The following PRKAR2A variants were observed in gnomAD, a reference collection of about 807,000 sequenced individuals.
PRKAR2A encodes the protein cAMP-dependent protein kinase type II-alpha regulatory subunit.
A neutral mutation model predicts 51.9 loss-of-function variants in PRKAR2A; 29 were observed. That is an observed-to-expected ratio of 0.56 (90% CI 0.42 to 0.76). The LOEUF (loss-of-function observed/expected upper bound fraction) is 0.76. Ranked by LOEUF, PRKAR2A falls within the 30% of genes least tolerant of loss-of-function variation. PRKAR2A has a pLI of 0.00. For missense variants in PRKAR2A, 445 were observed against 512.1 expected (o/e 0.87, Z 1.26); for synonymous variants, 178 against 186.2 (o/e 0.96, Z 0.36).
intron 1 of PRKAR2A, among the ~76,000 whole-genome samples, chr3:48,828,724 A>G (rs2107429676): frequency 6.6e-6 from 1 of 151,386 alleles, no homozygotes; most frequent in South Asian, 2.1e-4. Context: ...AAAAAAAAAA[A>G]AAAAAGAAAG....
intron 6 of PRKAR2A, among the ~76,000 whole-genome samples, chr3:48,767,343 G>A (rs2081955968): frequency 6.6e-6 from 1 of 151,954 alleles, no homozygotes; most frequent in Non-Finnish European, 1.5e-5. Flanking sequence ...GCCAGGCATG[G>A]TGGTGGGCGC....
At chr3:48,761,151 G>A (rs537929996) in intron 8 of PRKAR2A, among the ~76,000 whole-genome samples, 2 of 152,038 alleles carry the variant, frequency 1.3e-5, no homozygotes, top group East Asian at 1.9e-4. Context: ...ACGTGGTGGC[G>A]GGCGCCTGTA....
chr3:48,796,939 C>A (rs1369189148), intron 2 of PRKAR2A, among the ~76,000 whole-genome samples: 2 of 151,922 alleles, frequency 1.3e-5, no homozygotes, highest in Non-Finnish European at 2.9e-5. Flanking sequence ...GTTTACTGAG[C>A]ATTTTGTAGT....
chr3:48,796,029 A>AT (rs911703776), intron 2 of PRKAR2A, among the ~76,000 whole-genome samples: 1 of 152,234 alleles, frequency 6.6e-6, no homozygotes, highest in African/African-American at 2.4e-5. Flanking sequence ...TATCTACTGA[A>AT]TAAAGAGTTT....
At position 48,847,271 on chromosome 3, in the gene PRKAR2A, T is replaced by C. The variant is rs1443512499; in HGVS notation, c.262+64A>G. ...GGCTGCGGCGCGACACCTGGCTCCC[T>C]GCCACCCCTCTAGACCTCTGGAGAC... On this transcript the variant is annotated intron_variant, in intron 1 of 10. Transcript: ENST00000265563. The surrounding 1 kb of genome is among the most constrained non-coding windows in gnomAD (Gnocchi z 4.4). 14 of 1,553,174 alleles carry C rather than the reference T, an allele frequency of 9.0e-6. No homozygotes were observed. Among genetic ancestry groups the C allele is most frequent in the Middle Eastern group, 1.7e-4 (1 of 5,806 alleles).
downstream of PRKAR2A, among the ~76,000 whole-genome samples, chr3:48,745,603 A>G (rs2081555655): frequency 1.4e-5 from 2 of 140,246 alleles, no homozygotes; most frequent in Non-Finnish European, 3.0e-5. Flanking sequence ...GAATGATGCA[A>G]TCTCGGCTCA....
At chr3:48,835,256 C>T (rs1247576702) in intron 1 of PRKAR2A, among the ~76,000 whole-genome samples, 1 of 151,666 alleles carries the variant, frequency 6.6e-6, no homozygotes, top group East Asian at 2.0e-4. Context: ...CAGGCGTGAG[C>T]CACTATGCTT....
chr3:48,778,813 C>T (rs1001027503), intron 5 of PRKAR2A, among the ~76,000 whole-genome samples: 2 of 144,706 alleles, frequency 1.4e-5, no homozygotes, highest in Non-Finnish European at 3.0e-5. Context: ...CCACGGTGCT[C>T]GGCCTGCATT....
At chr3:48,745,311 A>T (rs576901746), downstream of PRKAR2A, among the ~76,000 whole-genome samples, 71 of 152,078 alleles carry the variant, frequency 4.7e-4, no homozygotes, top group African/African-American at 1.5e-3. Flanking sequence ...CCTGGATTAC[A>T]GGTGTGAGCC....
intron 4 of PRKAR2A, among the ~76,000 whole-genome samples, chr3:48,784,217 T>G (rs1184056662): frequency 2.0e-5 from 3 of 152,100 alleles, no homozygotes; most frequent in Non-Finnish European, 4.4e-5. Flanking sequence ...GAATACCAGG[T>G]TCAATTAAAA....
intron 3 of PRKAR2A, among the ~76,000 whole-genome samples, chr3:48,792,522 C>T (rs1438902215): frequency 7.9e-6 from 1 of 125,982 alleles, no homozygotes; most frequent in African/African-American, 3.1e-5. Flanking sequence ...AGTGCAGTGG[C>T]GTGATCTCAG....
chr3:48,837,145 A>T (rs946363114), intron 1 of PRKAR2A, among the ~76,000 whole-genome samples: 2 of 152,014 alleles, frequency 1.3e-5, no homozygotes, highest in Admixed American at 6.6e-5. Context: ...TAATAAAAAT[A>T]AAAATTAGCC....
At chr3:48,773,606 G>C (rs2082062579) in intron 5 of PRKAR2A, among the ~76,000 whole-genome samples, 1 of 151,926 alleles carries the variant, frequency 6.6e-6, no homozygotes, top group Non-Finnish European at 1.5e-5. Flanking sequence ...CTAAAGTGCT[G>C]GGATTACAGG....
chr3:48,783,652 C>G lies in PRKAR2A; in HGVS notation c.436-560G>C, dbSNP rs186088442. Among the ~76,000 whole-genome samples the G allele has an allele frequency of 2.2e-3, 329 of 152,292 alleles. 2 individuals carry two copies. Among genetic ancestry groups the G allele is most frequent in the Admixed American group, 9.8e-3 (150 of 15,280 alleles). On this transcript the variant is annotated intron_variant, in intron 4 of 10. Coordinates refer to ENST00000265563, the MANE Select transcript of PRKAR2A (RefSeq NM_004157.4). ...CTGGAGTGCAGTGGTGTGATCTCAG[C>G]TCACCACAACCTCTACCTCCCGAGT...
At chr3:48,753,986 C>T (rs923802315) in intron 9 of PRKAR2A, among the ~76,000 whole-genome samples, 9 of 150,952 alleles carry the variant, frequency 6.0e-5, no homozygotes, top group African/African-American at 2.2e-4. Flanking sequence ...CAAGCTCTGC[C>T]TCCTGGGCTC....
At chr3:48,802,832 T>C (rs766777369) in intron 2 of PRKAR2A, among the ~76,000 whole-genome samples, 15 of 152,308 alleles carry the variant, frequency 9.8e-5, no homozygotes, top group Non-Finnish European at 1.6e-4. Flanking sequence ...TTTTAAGAAA[T>C]AGAGCCAACG....
intron 6 of PRKAR2A, among the ~76,000 whole-genome samples, chr3:48,772,014 C>T (rs2082036667): frequency 6.6e-6 from 1 of 152,160 alleles, no homozygotes; most frequent in Non-Finnish European, 1.5e-5. Flanking sequence ...GGCTTTCCAG[C>T]ACCCCATCTG....
chr3:48,792,722 A>G (rs1284252198), intron 3 of PRKAR2A, among the ~76,000 whole-genome samples: 1 of 152,068 alleles, frequency 6.6e-6, no homozygotes, highest in Non-Finnish European at 1.5e-5. Context: ...CGGCCTCCCA[A>G]AGTGCTGGGA....
intron 1 of PRKAR2A, among the ~76,000 whole-genome samples, chr3:48,836,419 T>TAAAAAAAAAAAAAAAAAAAAAAAA (rs548970318): frequency 4.1e-4 from 23 of 56,090 alleles, no homozygotes; most frequent in African/African-American, 1.3e-3. Flanking sequence ...AGACTCCGTC[T>TAAAAAAAAAAAAAAAAAAAAAAAA]AAAAAAAAAA....
Sources: allele counts gnomAD v4.1 joint callset (sites outside exome capture counted in the v4.1 genomes callset), GRCh38; gene constraint gnomAD v4.1.1; non-coding constraint Gnocchi (gnomAD v3.1); transcripts MANE v1.5; gene names NCBI Gene and HGNC (gene_info 2026-07-23, HGNC 2026-07-21).